Variants in CCDC33 observed in about 807,000 individuals in gnomAD.
CCDC33 encodes the protein coiled-coil domain containing 33.
Under a neutral mutation model 91.9 loss-of-function variants are expected in CCDC33, and 94 were observed. The ratio of observed to expected loss-of-function variants is 1.02; its 90% CI spans 0.87 to 1.21. The LOEUF (loss-of-function observed/expected upper bound fraction) is 1.21. CCDC33 is among the 50% of genes most tolerant of loss of function. The pLI, the probability that CCDC33 is intolerant of heterozygous loss-of-function variation, is 0.00. For missense variants in CCDC33, 940 were observed against 935.5 expected (o/e 1.00, Z -0.06); for synonymous variants, 396 against 374.5 (o/e 1.06, Z -0.66).
intron 17 of CCDC33, 116 bp downstream of exon 17, chr15:74,334,083 T>A: frequency 1.1e-6 from 1 of 914,080 alleles, no homozygotes; most frequent in South Asian, 1.7e-5. Context: ...CAAGGCTTAG[T>A]GTGTGGCCAG....
chr15:74,250,326 G>C lies in CCDC33; in HGVS notation c.185+6178G>C, dbSNP rs752287657. ...GTAAAGAGGATTCCAGGCTCAGCAC[G>C]GTTGGGTCTTTGCCGGCCCCTCCAG... is the stretch of plus-strand genomic sequence containing the variant. On this transcript the variant is annotated intron_variant, in intron 2 of 18. Transcript: ENST00000398814. Among the ~76,000 whole-genome samples the C allele has an allele frequency of 2.6e-5, 4 of 152,092 alleles. No homozygotes were observed. In the South Asian group the frequency reaches 6.2e-4, roughly 24 times the overall value.
intron 2 of CCDC33, among the ~76,000 whole-genome samples, chr15:74,249,257 C>T (rs904881177): frequency 6.6e-6 from 1 of 152,008 alleles, no homozygotes; most frequent in Admixed American, 6.6e-5. Context: ...GAGGCCGAGG[C>T]GGATGGATCA....
At chr15:74,309,348 C>A (rs546449558) in intron 11 of CCDC33, among the ~76,000 whole-genome samples, 1 of 152,234 alleles carries the variant, frequency 6.6e-6, no homozygotes, top group Non-Finnish European at 1.5e-5. Flanking sequence ...CACCTCCACA[C>A]CAGGTGCCTG....
At chr15:74,323,248 G>A (rs554257381) in intron 11 of CCDC33, among the ~76,000 whole-genome samples, 26 of 152,034 alleles carry the variant, frequency 1.7e-4, no homozygotes, top group Non-Finnish European at 3.4e-4. Context: ...CTGCAGATCC[G>A]GAAACTGCTA....
At chr15:74,290,265 C>T (rs1234180259) in intron 10 of CCDC33, among the ~76,000 whole-genome samples, 1 of 151,870 alleles carries the variant, frequency 6.6e-6, no homozygotes. Context: ...TCAACCTCCG[C>T]CTCCTGGGTT....
intron 11 of CCDC33, among the ~76,000 whole-genome samples, chr15:74,310,516 G>A (rs1472355376): frequency 3.4e-5 from 5 of 146,858 alleles, no homozygotes; most frequent in South Asian, 2.1e-4. Context: ...TAGCCTGGGC[G>A]ACAGAGGAGA....
In CCDC33 at chr15:74,270,432, G is replaced by A. The variant is rs916603054; in HGVS notation, c.547-1271G>A. On this transcript the variant is annotated intron_variant, in intron 5 of 18. Transcript: ENST00000398814. ...AGAAGACAGGGGCTGGGGGCCTGTC[G>A]GGAGACACGGCAGAGGGGCTTGTGG... Among the ~76,000 whole-genome samples the A allele has an allele frequency of 1.4e-4, 21 of 152,254 alleles. No homozygotes were observed. In the East Asian group the frequency reaches 1.9e-3, roughly 14 times the overall value.
At chr15:74,300,604 T>C (rs1355249851) in intron 11 of CCDC33, 3 of 152,258 alleles carry the variant, frequency 2.0e-5, no homozygotes. Context: ...ATATCCAGTC[T>C]CATCATGCAT....
At chr15:74,276,062 C>G (rs1010581011) in intron 7 of CCDC33, among the ~76,000 whole-genome samples, 25 of 152,172 alleles carry the variant, frequency 1.6e-4, no homozygotes, top group African/African-American at 6.0e-4. Flanking sequence ...TCTGATTAGC[C>G]AGGATTGGGT....
At chr15:74,215,356 G>A (rs549535539), upstream of CCDC33, among the ~76,000 whole-genome samples, 2 of 152,336 alleles carry the variant, frequency 1.3e-5, no homozygotes, top group South Asian at 4.1e-4. Flanking sequence ...AAGTAGAATG[G>A]TGGTTGCCAG....
At chr15:74,203,259 A>C in intron 1 of CCDC33, 1 of 970,430 alleles carries the variant, frequency 1.0e-6, no homozygotes, top group Non-Finnish European at 1.2e-6. Flanking sequence ...CACCCCCACA[A>C]GGCGGAAATT....
intron 7 of CCDC33, among the ~76,000 whole-genome samples, chr15:74,274,502 G>T (rs1596001763): frequency 6.6e-6 from 1 of 152,214 alleles, no homozygotes; most frequent in Non-Finnish European, 1.5e-5. Context: ...TCATTTAAAG[G>T]CAAAGACATT....
intron 15 of CCDC33, among the ~76,000 whole-genome samples, chr15:74,332,237 C>T (rs1429769780): frequency 6.6e-6 from 1 of 152,144 alleles, no homozygotes; most frequent in African/African-American, 2.4e-5. Context: ...TTAGCCTTCA[C>T]CGCTGAGGGT....
intron 7 of CCDC33, among the ~76,000 whole-genome samples, chr15:74,279,252 T>C (rs1390425221): frequency 2.0e-5 from 3 of 152,204 alleles, no homozygotes; most frequent in Non-Finnish European, 4.4e-5. Flanking sequence ...ATCAGGGCAC[T>C]TGGACATGAA....
intron 1 of CCDC33, among the ~76,000 whole-genome samples, chr15:74,239,280 C>T (rs1437015794): frequency 6.6e-6 from 1 of 152,074 alleles, no homozygotes; most frequent in Non-Finnish European, 1.5e-5. Flanking sequence ...CATCTCTCTC[C>T]CCACCAGAAC....
intron 1 of CCDC33, among the ~76,000 whole-genome samples, chr15:74,206,613 A>G (rs990160054): frequency 6.6e-6 from 1 of 152,220 alleles, no homozygotes. Flanking sequence ...AGTGCTCAAA[A>G]GACAGAACTG....
chr15:74,211,483 C>CAG, intron 2 of CCDC33, among the ~76,000 whole-genome samples: 1 of 149,670 alleles, frequency 6.7e-6, no homozygotes, highest in African/African-American at 2.5e-5. Flanking sequence ...CCACTGCAAC[C>CAG]TCCGCCTCCT....
chr15:74,258,798 C>G (rs1055869010), intron 2 of CCDC33, among the ~76,000 whole-genome samples: 1 of 152,156 alleles, frequency 6.6e-6, no homozygotes, highest in African/African-American at 2.4e-5. Flanking sequence ...CTGCAGCCCC[C>G]GGGAACCAGA....
intron 1 of CCDC33, chr15:74,208,667 C>T (rs1194798228): frequency 1.0e-6 from 1 of 974,338 alleles, no homozygotes; most frequent in Non-Finnish European, 1.2e-6. Context: ...TTGCTCCAGC[C>T]CATCACTCTG....
Sources: allele counts gnomAD v4.1 joint callset (sites outside exome capture counted in the v4.1 genomes callset), GRCh38; gene constraint gnomAD v4.1.1; transcripts MANE v1.5; gene names NCBI Gene and HGNC (gene_info 2026-07-23, HGNC 2026-07-21).